PAPOLG: variants seen among roughly 807,000 people sequenced by gnomAD.
The protein encoded by PAPOLG is poly(A) polymerase gamma.
In PAPOLG, 40 loss-of-function variants were observed where a neutral mutation model predicts 99.0. The observed-to-expected ratio is 0.40, with a 90% confidence interval of 0.31 to 0.53. The LOEUF (loss-of-function observed/expected upper bound fraction) is 0.53. Among genes scored for constraint, PAPOLG ranks in the 20% least tolerant of loss-of-function variants. The pLI is 0.41. For missense variants in PAPOLG, 675 were observed against 884.1 expected (o/e 0.76, Z 3.00); for synonymous variants, 310 against 299.3 (o/e 1.04, Z -0.37).
rs10197672 is a variant in PAPOLG, at chr2:60,782,774, C to T, written c.1112+4C>T. The T allele has an allele frequency of 0.48, 732,584 of 1,536,544 alleles. 179,255 individuals are homozygous for T. Among genetic ancestry groups the T allele is most frequent in the African/African-American group, 0.66 (45,457 of 69,302 alleles). On this transcript the variant is annotated splice_donor_region_variant and intron_variant, in intron 12 of 21. Coordinates refer to ENST00000238714, the MANE Select transcript of PAPOLG (RefSeq NM_022894.4). The stretch of plus-strand genomic sequence containing the variant: ...CGAATTTCTTTCAAAAGTATAGGTA[C>T]GTGAAATTTTGTATTTTGTATGTAT...
chr2:60,775,074 T>C lies in PAPOLG; in HGVS notation c.645T>C (p.Asn215=). 6.2e-7 allele frequency: 1 copy of C among 1,613,522 alleles called. No individual in the cohort carries two copies. The highest frequency in any genetic ancestry group is 8.5e-7 in the Non-Finnish European group (1 of 1,179,810). The change falls in exon 8 of 22, where the codon AAT becomes AAC. Residue 215 remains asparagine, a synonymous_variant. Transcript: ENST00000238714. ...VTDEILHLVP[N]KETFRLTLRA... ...ATGAAATTTTGCATTTAGTGCCAAATAAAGAAACTTTTAGACTCACCCTAA... is the reference window on the plus strand; with the variant it reads ...ATGAAATTTTGCATTTAGTGCCAAACAAAGAAACTTTTAGACTCACCCTAA...
In PAPOLG at chr2:60,797,083, C is replaced by T. The variant is rs750248285; in HGVS notation, c.2134C>T (p.Pro712Ser). ...RKKRLPSKEL[P>S]DSSSPVPANN... Reference sequence around the variant, plus strand: ...ATAGAGACTACCCAGTAAAGAACTACCAGATTCATCATCTCCAGTTCCAGC... The same window carrying T: ...ATAGAGACTACCCAGTAAAGAACTATCAGATTCATCATCTCCAGTTCCAGC... The change falls in exon 22 of 22, where the codon CCA becomes TCA. Residue 712 changes from proline (P) to serine (S), a missense_variant. Coordinates refer to ENST00000238714, the MANE Select transcript of PAPOLG (RefSeq NM_022894.4). The T allele has an allele frequency of 6.2e-7, 1 of 1,612,412 alleles. No homozygotes were observed. Among genetic ancestry groups the T allele is most frequent in the Non-Finnish European group, 8.5e-7 (1 of 1,178,418 alleles).
chr2:60,796,953 G>C (rs888818492), intron 21 of PAPOLG, 109 bp from the exon 22 acceptor site: 27 of 1,393,674 alleles, frequency 1.9e-5, no homozygotes, highest in African/African-American at 7.3e-5. Flanking sequence ...TTAGGAGCTA[G>C]AGGGTTTGGG....
chr2:60,763,016 C>T (rs1003481151), intron 3 of PAPOLG, among the ~76,000 whole-genome samples: 2 of 151,898 alleles, frequency 1.3e-5, no homozygotes, highest in Non-Finnish European at 2.9e-5. Context: ...ATGATCTCAC[C>T]TCAGCCTCCC....
At chr2:60,768,675 C>G in intron 4 of PAPOLG, 106 bp from the exon 5 acceptor site, 1 of 1,336,234 alleles carries the variant, frequency 7.5e-7, no homozygotes, top group Non-Finnish European at 1.0e-6. Flanking sequence ...TTAACATTTT[C>G]TTGTACTCAA....
intron 15 of PAPOLG, 193 bp from the exon 16 acceptor site, chr2:60,791,568 A>G: frequency 2.2e-6 from 1 of 457,118 alleles, no homozygotes; most frequent in Non-Finnish European, 3.7e-6. Context: ...AAGAAAAACT[A>G]GTGGATTCAT....
intron 15 of PAPOLG, among the ~76,000 whole-genome samples, chr2:60,790,442 G>C (rs2103819861): frequency 6.6e-6 from 1 of 152,272 alleles, no homozygotes; most frequent in South Asian, 2.1e-4. Context: ...TAATCTCATT[G>C]AGTATATTTA....
intron 2 of PAPOLG, among the ~76,000 whole-genome samples, chr2:60,761,175 G>A (rs1040312529): frequency 2.6e-5 from 4 of 152,200 alleles, no homozygotes; most frequent in African/African-American, 9.7e-5. Flanking sequence ...GAAGAAGTAA[G>A]TTTGGACAGA....
At chr2:60,767,295 T>C (rs187192671) in intron 3 of PAPOLG, among the ~76,000 whole-genome samples, 33 of 152,284 alleles carry the variant, frequency 2.2e-4, no homozygotes, top group Admixed American at 9.8e-4. Context: ...TGATGGGCTT[T>C]TGGAACTAGC....
rs754450694 is a variant in PAPOLG at position 60,768,458 on chromosome 2, A to T, written c.247-12A>T. Reference sequence around the variant, plus strand: ...TGAATAATTGAATGTCTTCCGCTTAATTTTATTTTAGAACCTCCCACCTTC... The same window carrying T: ...TGAATAATTGAATGTCTTCCGCTTATTTTTATTTTAGAACCTCCCACCTTC... On this transcript the variant is annotated splice_polypyrimidine_tract_variant and intron_variant, in intron 3 of 21. Transcript: ENST00000238714. The T allele has an allele frequency of 6.2e-7, 1 of 1,612,112 alleles. No homozygotes were observed. The highest frequency in any genetic ancestry group is 1.1e-5 in the South Asian group (1 of 90,700).
rs531935742 is a variant in PAPOLG at position 60,761,683 on chromosome 2, A to T, written c.180-58A>T. ...AAGGGTACTGCCTATATGGGTTTTT[A>T]AAAATACTGTTTGTTCATTTGTTTG... On this transcript the variant is annotated intron_variant, in intron 2 of 21. Coordinates refer to ENST00000238714, the MANE Select transcript of PAPOLG (RefSeq NM_022894.4). The T allele has an allele frequency of 8.1e-6, 12 of 1,483,908 alleles. No homozygotes were observed. In the East Asian group the frequency reaches 1.4e-4, roughly 17 times the overall value. 91.9% of individuals were successfully genotyped at this position (1,483,908 alleles called of 1,614,324 possible). A position where few individuals can be genotyped will look rare whatever the true frequency, so the allele number is the denominator to read the frequency against.
rs201496279 is a variant in PAPOLG at position 60,794,743 on chromosome 2, C to T, written c.2023C>T (p.Arg675Cys). The change falls in exon 20 of 22, where the codon CGC becomes TGC. Residue 675 changes from arginine (R) to cysteine (C), a missense_variant. Arg to Cys is a radical substitution (Grantham distance 180). Coordinates refer to ENST00000238714, the MANE Select transcript of PAPOLG (RefSeq NM_022894.4). ...ACTTGAATCAACATTTAAGGACCCC[C>T]GCACTGCTGAAGAAAGAAAAAGAAA... ...IRLESTFKDPRTAEERKRKSV... is the reference protein window; with the variant it reads ...IRLESTFKDPCTAEERKRKSV... The T allele has an allele frequency of 3.1e-4, 492 of 1,610,926 alleles. No individual in the cohort carries two copies. The highest frequency in any genetic ancestry group is 3.9e-4 in the Non-Finnish European group (454 of 1,177,468).
chr2:60,762,527 C>T (rs1670548999), intron 3 of PAPOLG, among the ~76,000 whole-genome samples: 1 of 152,058 alleles, frequency 6.6e-6, no homozygotes, highest in Non-Finnish European at 1.5e-5. Context: ...GATCCTTTTG[C>T]ATACTTTCAG....
At chr2:60,787,410 GAGAT>G in intron 14 of PAPOLG, 97 bp from the exon 15 acceptor site, 2 of 1,372,010 alleles carry the variant, frequency 1.5e-6, no homozygotes, top group Non-Finnish European at 2.0e-6. Context: ...CTGTATTTGT[GAGAT>G]AGAGACATAG....
chr2:60,796,457 A>G (rs1285577367), intron 21 of PAPOLG, among the ~76,000 whole-genome samples: 1 of 151,870 alleles, frequency 6.6e-6, no homozygotes, highest in Non-Finnish European at 1.5e-5. Context: ...TGCCTTCTTT[A>G]TGTAATAATC....
Position 60,800,774 on chromosome 2 carries a change from G to T in PAPOLG, c.*3614G>T, listed in dbSNP as rs181834350. On this transcript the variant is annotated 3_prime_UTR_variant, in exon 22 of 22. Transcript: ENST00000238714. Reference sequence around the variant, plus strand: ...AGTGCATAGTTTAGATCAGCTTCTCGAAGTGGCAAAAGTATGGGAGTTAGG... The same window carrying T: ...AGTGCATAGTTTAGATCAGCTTCTCTAAGTGGCAAAAGTATGGGAGTTAGG... The T allele has an allele frequency of 1.5e-4, 23 of 152,214 alleles. No individual in the cohort carries two copies. In the East Asian group the frequency reaches 4.2e-3, roughly 28 times the overall value. 9.4% of individuals were successfully genotyped at this position (152,214 alleles called of 1,614,324 possible).
chr2:60,791,924 A>G, intron 16 of PAPOLG, 42 bp downstream of exon 16: 1 of 1,588,822 alleles, frequency 6.3e-7, no homozygotes, highest in Non-Finnish European at 8.5e-7. Context: ...TTTTACTCAG[A>G]CAAATGATCT....
intron 13 of PAPOLG, among the ~76,000 whole-genome samples, chr2:60,783,576 T>C (rs1359535122): frequency 7.4e-6 from 1 of 135,372 alleles, no homozygotes; most frequent in African/African-American, 2.7e-5. Context: ...AGTGGCATAA[T>C]CTCAGCTCAC....
intron 3 of PAPOLG, among the ~76,000 whole-genome samples, chr2:60,762,874 G>A (rs766145290): frequency 5.9e-5 from 9 of 151,944 alleles, no homozygotes; most frequent in Non-Finnish European, 1.3e-4. Flanking sequence ...TGATCCGCCT[G>A]CCTCAGCCTC....
Sources: gnomAD v4.1 joint callset for allele counts (sites outside exome capture counted in the v4.1 genomes callset) on GRCh38, gnomAD v4.1.1 for gene constraint, MANE v1.5 for transcripts, NCBI Gene and HGNC (gene_info 2026-07-23, HGNC 2026-07-21) for gene names.